The following HCK variants were observed in gnomAD, a reference collection of about 807,000 sequenced individuals.
HCK encodes tyrosine-protein kinase HCK.
In HCK, 40 loss-of-function variants were observed where a neutral mutation model predicts 70.4. That is an observed-to-expected ratio of 0.57 (90% CI 0.44 to 0.74). HCK has a LOEUF of 0.74. Among genes scored for constraint, HCK ranks in the 30% least tolerant of loss-of-function variants. The pLI is 0.00. For missense variants in HCK, 568 were observed against 697.2 expected (o/e 0.81, Z 2.09); for synonymous variants, 245 against 263.2 (o/e 0.93, Z 0.67).
At position 32,088,620 on chromosome 20, in the gene HCK, A is replaced by C; in HGVS notation, c.1068A>C (p.Pro356=). Reference sequence around the variant, plus strand: ...ATGAGGGCAGCAAGCAGCCATTGCCAAAACTCATTGACTTCTCAGCCCAGG... The same window carrying C: ...ATGAGGGCAGCAAGCAGCCATTGCCCAAACTCATTGACTTCTCAGCCCAGG... The change falls in exon 10 of 13, where the codon CCA becomes CCC. Residue 356 remains proline, a synonymous_variant. Transcript: ENST00000375852. 4.3e-6 allele frequency: 7 copies of C among 1,614,082 alleles called. No individual in the cohort carries two copies. Among genetic ancestry groups the C allele is most frequent in the Non-Finnish European group, 5.9e-6 (7 of 1,179,978 alleles).
intron 11 of HCK, among the ~76,000 whole-genome samples, chr20:32,096,123 C>T (rs979905696): frequency 2.0e-5 from 3 of 151,736 alleles, no homozygotes; most frequent in African/African-American, 7.3e-5. Flanking sequence ...CTGATGACCT[C>T]AAGTGATTCA....
At chr20:32,072,562 T>TTAAA (rs1194650235) in intron 2 of HCK, 6 of 108,772 alleles carry the variant, frequency 5.5e-5, no homozygotes, top group Non-Finnish European at 1.1e-4. Flanking sequence ...CCCTGTCTCT[T>TTAAA]TAAAAAAAAA....
At chr20:32,099,948 G>A (rs1341991194) in intron 12 of HCK, among the ~76,000 whole-genome samples, 1 of 149,170 alleles carries the variant, frequency 6.7e-6, no homozygotes, top group South Asian at 2.1e-4. Context: ...CACTGAGGCT[G>A]TAGTGCAGTG....
At chr20:32,087,539 T>G (rs1280395538) in intron 9 of HCK, among the ~76,000 whole-genome samples, 1 of 151,844 alleles carries the variant, frequency 6.6e-6, no homozygotes, top group Non-Finnish European at 1.5e-5. Flanking sequence ...GTGATCATAG[T>G]TCACTGTAGC....
rs917861800 is a variant in HCK, at chr20:32,097,440, G to A, written c.1247-1564G>A. Among the ~76,000 whole-genome samples the A allele has an allele frequency of 1.4e-4, 21 of 152,212 alleles. 1 individual carries two copies. Among genetic ancestry groups the A allele is most frequent in the Middle Eastern group, 6.8e-3 (2 of 294 alleles). ...TAAAAATACAAAAAATTAGCCAGGCGTGGTGGCGGGCACCTGTAGTCCCAG... is the reference window on the plus strand; with the variant it reads ...TAAAAATACAAAAAATTAGCCAGGCATGGTGGCGGGCACCTGTAGTCCCAG... On this transcript the variant is annotated intron_variant, in intron 11 of 12. Transcript: ENST00000375852.
At chr20:32,084,669 T>G (rs2045758425) in intron 8 of HCK, 126 bp downstream of exon 8, 3 of 853,062 alleles carry the variant, frequency 3.5e-6, no homozygotes, top group Admixed American at 5.7e-5. Flanking sequence ...ATTTAAATAA[T>G]AGCCATAAAG....
rs1040320658 is a variant in HCK, at chr20:32,083,812, C to A, written c.533-82C>A. The A allele has an allele frequency of 1.8e-5, 28 of 1,525,044 alleles. No individual in the cohort carries two copies. The Admixed American group carries it at 4.0e-4, about 22-fold the overall frequency. 94.5% of individuals were successfully genotyped at this position (1,525,044 alleles called of 1,614,324 possible). Reference sequence around the variant, plus strand: ...GGTGTCAGGACGGTGCCAGCGGTAGCCTTACAGGGTGTCAGAGTGCTAATG... The same window carrying A: ...GGTGTCAGGACGGTGCCAGCGGTAGACTTACAGGGTGTCAGAGTGCTAATG... On this transcript the variant is annotated intron_variant, in intron 6 of 12. Transcript: ENST00000375852.
chr20:32,073,314 C>T lies in HCK; in HGVS notation c.184-5C>T. ...TCATTCTCTTCTCTCATTTCTTCCC[C>T]ACAGGGGCCTAATAGCCACAACAGC... On this transcript the variant is annotated splice_region_variant and splice_polypyrimidine_tract_variant and intron_variant, in intron 2 of 12. Transcript: ENST00000375852. 1.2e-6 allele frequency: 2 copies of T among 1,611,342 alleles called. No homozygotes were observed. Among genetic ancestry groups the T allele is most frequent in the East Asian group, 4.5e-5 (2 of 44,828 alleles).
At chr20:32,064,939 CCA>C (rs2122498526) in intron 1 of HCK, among the ~76,000 whole-genome samples, 2 of 152,348 alleles carry the variant, frequency 1.3e-5, no homozygotes, top group African/African-American at 4.8e-5. Context: ...GGGTGTGCAA[CCA>C]GGCAGACTGC....
At chr20:32,089,595 G>C (rs1440697899) in intron 10 of HCK, among the ~76,000 whole-genome samples, 2 of 152,114 alleles carry the variant, frequency 1.3e-5, no homozygotes, top group Non-Finnish European at 2.9e-5. Context: ...TTCACAAATC[G>C]CAAAAACACT....
intron 1 of HCK, among the ~76,000 whole-genome samples, chr20:32,054,475 TAAAAAAAAAAA>T (rs529274774): frequency 2.5e-4 from 4 of 15,884 alleles, no homozygotes; most frequent in Non-Finnish European, 3.7e-4. Flanking sequence ...AAACTCCACC[TAAAAAAAAAAA>T]AAAAAAAAAA....
intron 1 of HCK, among the ~76,000 whole-genome samples, chr20:32,056,134 C>T (rs1461738189): frequency 6.6e-6 from 1 of 152,316 alleles, no homozygotes; most frequent in East Asian, 1.9e-4. Context: ...TATGAGCATG[C>T]ATGTGCATAC....
intron 8 of HCK, among the ~76,000 whole-genome samples, chr20:32,085,225 A>G (rs944182213): frequency 6.6e-6 from 1 of 152,232 alleles, no homozygotes; most frequent in Non-Finnish European, 1.5e-5. Context: ...ATTCTGCTGC[A>G]TGCAAGGCCG....
At chr20:32,066,504 G>T (rs2045461830) in intron 1 of HCK, among the ~76,000 whole-genome samples, 1 of 151,230 alleles carries the variant, frequency 6.6e-6, no homozygotes, top group South Asian at 2.1e-4. Context: ...GTAGAGTCAG[G>T]GTTTCATCAT....
At chr20:32,083,091 G>A (rs2045729851) in intron 6 of HCK, among the ~76,000 whole-genome samples, 1 of 152,006 alleles carries the variant, frequency 6.6e-6, no homozygotes, top group Non-Finnish European at 1.5e-5. Flanking sequence ...GTTTCCAGAG[G>A]CTACAGCATT....
At chr20:32,062,304 A>G (rs1425545934) in intron 1 of HCK, among the ~76,000 whole-genome samples, 1 of 152,154 alleles carries the variant, frequency 6.6e-6, no homozygotes, top group East Asian at 1.9e-4. Context: ...ACCCAGCTCT[A>G]TCTGACTTCA....
chr20:32,099,823 C>T (rs2046009096), intron 12 of HCK, among the ~76,000 whole-genome samples: 1 of 152,138 alleles, frequency 6.6e-6, no homozygotes, highest in Non-Finnish European at 1.5e-5. Flanking sequence ...CTTTCTCCCT[C>T]CTCGTCCTAC....
In HCK at chr20:32,073,362, G is replaced by A; in HGVS notation, c.226+1G>A. The A allele has an allele frequency of 6.2e-7, 1 of 1,611,550 alleles. No individual in the cohort carries two copies. The highest frequency in any genetic ancestry group is 8.5e-7 in the Non-Finnish European group (1 of 1,178,974). ...AGCAACACACCAGGAATCAGGGAGG[G>A]TAAGTATCTACGAGCAGATGCAGTG... On this transcript the variant is annotated splice_donor_variant, in intron 3 of 12. Coordinates refer to ENST00000375852, the MANE Select transcript of HCK (RefSeq NM_002110.5). LOFTEE classifies it high-confidence loss of function.
intron 10 of HCK, among the ~76,000 whole-genome samples, chr20:32,089,096 C>T (rs1031331139): frequency 1.1e-4 from 16 of 152,234 alleles, no homozygotes; most frequent in Non-Finnish European, 2.1e-4. Context: ...TGAGCTTCTT[C>T]ACGGCGCAGC....
Sources: allele counts gnomAD v4.1 joint callset (sites outside exome capture counted in the v4.1 genomes callset), GRCh38; gene constraint gnomAD v4.1.1; transcripts MANE v1.5; gene names NCBI Gene and HGNC (gene_info 2026-07-23, HGNC 2026-07-21).